MAP2: variants seen among roughly 807,000 people sequenced by gnomAD.
MAP2 encodes the protein microtubule-associated protein 2.
A neutral mutation model predicts 137.6 loss-of-function variants in MAP2; 14 were observed. The observed-to-expected ratio is 0.10, with a 90% CI of 0.07 to 0.16. The LOEUF (loss-of-function observed/expected upper bound fraction) is 0.16. Ranked by LOEUF, MAP2 falls within the 10% of genes least tolerant of loss-of-function variation. MAP2 has a pLI of 1.00. For missense variants in MAP2, 2,088 were observed against 2,191.5 expected (o/e 0.95, Z 0.94); for synonymous variants, 786 against 782.3 (o/e 1.00, Z -0.08).
Position 209,705,700 on chromosome 2 carries a change from A to G in MAP2, c.4705A>G (p.Ile1569Val), listed in dbSNP as rs760867265. The change falls in exon 12 of 16, where the codon ATC (isoleucine) becomes GTC (valine). Residue 1569 changes from isoleucine to valine, a missense_variant. By Grantham distance (29) the Ile-to-Val change is conservative (BLOSUM62 3). This residue lies in a region of MAP2 where 591 missense variants were observed against 642.6 expected (regional missense o/e 0.92). Coordinates refer to ENST00000682079, the MANE Select transcript of MAP2 (RefSeq NM_001375505.1). ...DENSFSLNSS[I>V]SSSARRTTRS... ...GAATTCCTTCTCTCTCAACAGTTCT[A>G]TCTCTTCTTCAGCACGGCGGACCAC... 1.2e-6 allele frequency: 2 copies of G among 1,612,962 alleles called. No homozygotes were observed. Among genetic ancestry groups the G allele is most frequent in the South Asian group, 1.1e-5 (1 of 91,032 alleles).
chr2:209,620,345 C>T (rs926656668), intron 3 of MAP2, among the ~76,000 whole-genome samples: 2 of 152,196 alleles, frequency 1.3e-5, no homozygotes, highest in African/African-American at 4.8e-5. Context: ...TTCTTACTGT[C>T]TACCTTACCC....
chr2:209,699,239 CT>C (rs2153731637), intron 10 of MAP2, among the ~76,000 whole-genome samples: 1 of 152,230 alleles, frequency 6.6e-6, no homozygotes, highest in Non-Finnish European at 1.5e-5. Context: ...CTAGCTAGTC[CT>C]ACATGGCATA....
At chr2:209,427,263 C>T (rs543705215) in intron 1 of MAP2, among the ~76,000 whole-genome samples, 1 of 152,282 alleles carries the variant, frequency 6.6e-6, no homozygotes, top group Non-Finnish European at 1.5e-5. Flanking sequence ...TCAATACTAT[C>T]CTCCTTAATG....
chr2:209,651,365 C>T (rs2094787001), intron 4 of MAP2, among the ~76,000 whole-genome samples: 1 of 152,168 alleles, frequency 6.6e-6, no homozygotes. Flanking sequence ...AAGTAACTCT[C>T]ATTATTGTAC....
Position 209,695,057 on chromosome 2 carries a change from G to C in MAP2, c.2887G>C (p.Val963Leu). Residue 963 changes from valine to leucine, a missense_variant, in exon 8 of 16, where the codon GTA becomes CTA. By Grantham distance (32) the Val-to-Leu change is conservative. Around this residue, in one of 6 missense-constraint regions of MAP2, gnomAD observed 500 missense variants for 482.9 expected, o/e 1.04. Transcript: ENST00000682079. The stretch of plus-strand genomic sequence containing the variant: ...GAAAGCTAATGATAGGTTGGATACT[G>C]TACTAGAAAAGAGTGAAGAACATGC... ...EKKANDRLDT[V>L]LEKSEEHADS... The C allele has an allele frequency of 6.2e-7, 1 of 1,614,156 alleles. No homozygotes were observed. The highest frequency in any genetic ancestry group is 8.5e-7 in the Non-Finnish European group (1 of 1,180,022).
intron 4 of MAP2, among the ~76,000 whole-genome samples, chr2:209,642,428 GAAAAAAA>G: frequency 8.7e-6 from 1 of 114,998 alleles, no homozygotes; most frequent in African/African-American, 3.2e-5. Context: ...CCCTGTCTTT[GAAAAAAA>G]AAAAAAAGAA....
chr2:209,663,846 C>T (rs553125309), intron 5 of MAP2, among the ~76,000 whole-genome samples: 3 of 152,334 alleles, frequency 2.0e-5, no homozygotes, highest in East Asian at 1.9e-4. Context: ...TTTTGTGACA[C>T]GTTGCATTTG....
In MAP2 at chr2:209,626,175, T is replaced by TGG. The variant is rs566292747; in HGVS notation, c.-30+1047_-30+1048insGG. Among the ~76,000 whole-genome samples the TGG allele has an allele frequency of 2.7e-3, 411 of 152,196 alleles. 1 individual carries two copies. The highest frequency in any genetic ancestry group is 9.0e-3 in the African/African-American group (372 of 41,536). On this transcript the variant is annotated intron_variant, in intron 4 of 15. Coordinates refer to ENST00000682079, the MANE Select transcript of MAP2 (RefSeq NM_001375505.1). Reference sequence around the variant, plus strand: ...GCTCACACCTGTAATCCCAGCACTTTGAGGCCAAGGTGGGCAGATCATGAG... The same window carrying TGG: ...GCTCACACCTGTAATCCCAGCACTTTGGGAGGCCAAGGTGGGCAGATCATGAG...
intron 1 of MAP2, among the ~76,000 whole-genome samples, chr2:209,494,174 AAC>A (rs2059462865): frequency 6.6e-6 from 1 of 152,114 alleles, no homozygotes. Flanking sequence ...TCAGCAAACT[AAC>A]ACAGGAACAG....
chr2:209,482,730 G>A (rs2057888951), intron 1 of MAP2, among the ~76,000 whole-genome samples: 1 of 152,094 alleles, frequency 6.6e-6, no homozygotes, highest in Non-Finnish European at 1.5e-5. Context: ...ATAGAAAAAA[G>A]TCTTAGGATT....
rs537154717 is a variant in MAP2, at chr2:209,702,455, T to C, written c.4584+2117T>C. ...TATATCCATCAGTACTGTTCTCTGA[T>C]TTTTTTTGGTAGTTGTATGCTCTTT... On this transcript the variant is annotated intron_variant, in intron 11 of 15. Coordinates refer to ENST00000682079, the MANE Select transcript of MAP2 (RefSeq NM_001375505.1). Among the ~76,000 whole-genome samples the C allele has an allele frequency of 2.0e-5, 3 of 151,906 alleles. No individual in the cohort carries two copies. The East Asian group carries it at 5.8e-4, about 29-fold the overall frequency.
chr2:209,722,243 C>T (rs1048308448), intron 13 of MAP2, among the ~76,000 whole-genome samples: 1 of 152,186 alleles, frequency 6.6e-6, no homozygotes, highest in African/African-American at 2.4e-5. Flanking sequence ...CAAATTTTGA[C>T]AAGAGGCTCT....
At chr2:209,442,007 C>T (rs1204220103) in intron 1 of MAP2, among the ~76,000 whole-genome samples, 2 of 151,494 alleles carry the variant, frequency 1.3e-5, no homozygotes, top group Non-Finnish European at 3.0e-5. Context: ...CATGTTTCCT[C>T]AGGATTGTCT....
intron 1 of MAP2, among the ~76,000 whole-genome samples, chr2:209,480,100 T>C (rs1042127098): frequency 3.3e-5 from 5 of 152,198 alleles, no homozygotes; most frequent in African/African-American, 1.2e-4. Context: ...GATAGGCTTC[T>C]AGCTAAATAT....
At chr2:209,587,877 G>A (rs1380966994) in intron 3 of MAP2, among the ~76,000 whole-genome samples, 1 of 152,122 alleles carries the variant, frequency 6.6e-6, no homozygotes, top group East Asian at 1.9e-4. Context: ...AGCCAAATAG[G>A]CATGAGCAAT....
At chr2:209,522,696 A>G (rs1010325674) in intron 2 of MAP2, among the ~76,000 whole-genome samples, 6 of 152,146 alleles carry the variant, frequency 3.9e-5, no homozygotes, top group African/African-American at 1.4e-4. Flanking sequence ...AAAGCTCCAT[A>G]TGGAAGTTTT....
chr2:209,693,761 A>G lies in MAP2; in HGVS notation c.1591A>G (p.Ser531Gly), dbSNP rs745992954. 1.2e-6 allele frequency: 2 copies of G among 1,613,806 alleles called. No individual in the cohort carries two copies. Among genetic ancestry groups the G allele is most frequent in the South Asian group, 1.1e-5 (1 of 91,006 alleles). Residue 531 changes from serine (S) to glycine (G), a missense_variant, in exon 8 of 16, where the codon AGC (serine) becomes GGC (glycine). Physicochemically the swap from Ser to Gly is moderately conservative, Grantham distance 56 (BLOSUM62 0). Transcript: ENST00000682079. The part of the protein sequence containing the change: ...MTEPSALIEK[S>G]SIQELFEMRV... ...CGAACCATCTGCATTAATTGAAAAG[A>G]GCTCAATTCAGGAACTTTTTGAAAT...
chr2:209,605,595 A>G (rs927965911), intron 3 of MAP2, among the ~76,000 whole-genome samples: 5 of 152,178 alleles, frequency 3.3e-5, no homozygotes, highest in Admixed American at 6.5e-5. Flanking sequence ...AGGTAGTTCA[A>G]CATCCTTTAT....
chr2:209,474,674 C>G (rs1227491354), intron 1 of MAP2, among the ~76,000 whole-genome samples: 3 of 151,960 alleles, frequency 2.0e-5, no homozygotes, highest in Admixed American at 6.6e-5. Context: ...CAAAGTATAA[C>G]TTTATTACAC....
Sources: allele counts gnomAD v4.1 joint callset (sites outside exome capture counted in the v4.1 genomes callset), GRCh38; gene constraint gnomAD v4.1.1; regional missense constraint gnomAD v4.1.1; transcripts MANE v1.5; gene names NCBI Gene and HGNC (gene_info 2026-07-23, HGNC 2026-07-21).